NCAM2: variants seen among roughly 807,000 people sequenced by gnomAD.
NCAM2 encodes neural cell adhesion molecule 2, also known as N-CAM-2.
NCAM2 carries 30 observed loss-of-function variants against 98.1 expected under a neutral mutation model. The ratio of observed to expected loss-of-function variants is 0.31; its 90% CI spans 0.23 to 0.41. The LOEUF (loss-of-function observed/expected upper bound fraction) is 0.41, where lower values mean the gene tolerates loss of function less well. NCAM2 is among the 10% of genes least tolerant of loss of function. The pLI, the probability that NCAM2 is intolerant of heterozygous loss-of-function variation, is 1.00. For missense variants in NCAM2, 867 were observed against 1,005.8 expected, an observed-to-expected ratio of 0.86 and a Z score of 1.87; for synonymous variants, 368 against 342.4, an observed-to-expected ratio of 1.07 and a Z score of -0.83.
intron 1 of NCAM2, among the ~76,000 whole-genome samples, chr21:21,108,962 A>T (rs998640396): frequency 5.9e-5 from 9 of 152,142 alleles, no homozygotes; most frequent in Admixed American, 6.5e-5. Context: ...CCATATTTTC[A>T]TTGACTACAG....
chr21:21,285,246 A>T (rs1307148175), intron 3 of NCAM2, among the ~76,000 whole-genome samples: 1 of 151,900 alleles, frequency 6.6e-6, no homozygotes, highest in African/African-American at 2.4e-5. Flanking sequence ...TATATTAGGA[A>T]TGCAAGCCCT....
intron 4 of NCAM2, among the ~76,000 whole-genome samples, chr21:21,289,106 T>G (rs1037534162): frequency 3.9e-5 from 6 of 151,962 alleles, no homozygotes; most frequent in Non-Finnish European, 8.8e-5. Context: ...TCTCTTAAAC[T>G]TTTTAAATGC....
intron 8 of NCAM2, among the ~76,000 whole-genome samples, chr21:21,351,725 G>A (rs933412112): frequency 2.6e-5 from 4 of 151,692 alleles, no homozygotes; most frequent in East Asian, 1.9e-4. Flanking sequence ...TCATCTATTT[G>A]TTCATTTGTT....
intron 15 of NCAM2, among the ~76,000 whole-genome samples, chr21:21,492,346 C>G (rs568555818): frequency 6.6e-6 from 1 of 151,724 alleles, no homozygotes; most frequent in Non-Finnish European, 1.5e-5. Flanking sequence ...AGAACAACAA[C>G]AAAAAATCCC....
chr21:21,031,273 C>T (rs2064676028), intron 1 of NCAM2, among the ~76,000 whole-genome samples: 1 of 152,126 alleles, frequency 6.6e-6, no homozygotes, highest in Non-Finnish European at 1.5e-5. Flanking sequence ...GTTTTATAAC[C>T]TGCTCTAATA....
intron 16 of NCAM2, among the ~76,000 whole-genome samples, chr21:21,523,612 A>G (rs1339322269): frequency 6.6e-6 from 1 of 152,096 alleles, no homozygotes; most frequent in Admixed American, 6.6e-5. Context: ...TACGTATAAG[A>G]TAAATGAATG....
chr21:21,115,498 A>AT (rs1474342601), intron 1 of NCAM2, among the ~76,000 whole-genome samples: 2 of 152,184 alleles, frequency 1.3e-5, no homozygotes, highest in African/African-American at 4.8e-5. Context: ...TATTAGGTCC[A>AT]TCTTGGTCCT....
intron 1 of NCAM2, among the ~76,000 whole-genome samples, chr21:21,105,068 A>G (rs1046440217): frequency 6.6e-5 from 10 of 152,134 alleles, no homozygotes; most frequent in Non-Finnish European, 1.5e-4. Context: ...TGAGACGGAA[A>G]TGCTTAGCTA....
chr21:21,482,407 G>A (rs1387675122), intron 15 of NCAM2, among the ~76,000 whole-genome samples: 2 of 151,926 alleles, frequency 1.3e-5, no homozygotes, highest in Non-Finnish European at 2.9e-5. Flanking sequence ...TAATAAACTA[G>A]CACATCTTAA....
chr21:21,536,955 A>C (rs1241347715), intron 17 of NCAM2, among the ~76,000 whole-genome samples: 1 of 152,194 alleles, frequency 6.6e-6, no homozygotes, highest in Non-Finnish European at 1.5e-5. Flanking sequence ...AGTGACAAGA[A>C]AAACAATGTG....
At chr21:21,193,492 CTTTTT>C (rs768928139) in intron 1 of NCAM2, among the ~76,000 whole-genome samples, 1 of 123,788 alleles carries the variant, frequency 8.1e-6, no homozygotes, top group African/African-American at 3.1e-5. Context: ...AGTACTTTTC[CTTTTT>C]TTTTTTTTTT....
chr21:21,061,953 G>A (rs532386208), intron 1 of NCAM2, among the ~76,000 whole-genome samples: 209 of 152,174 alleles, frequency 1.4e-3, no homozygotes, highest in African/African-American at 4.9e-3. Context: ...GAAAGCAGCC[G>A]TAATGGAGAG....
At chr21:21,212,185 T>TAA (rs1568776013) in intron 1 of NCAM2, among the ~76,000 whole-genome samples, 1 of 152,164 alleles carries the variant, frequency 6.6e-6, no homozygotes, top group Non-Finnish European at 1.5e-5. Flanking sequence ...AATGGTTAAA[T>TAA]AAATTGTACA....
At chr21:21,081,970 G>A (rs1284248566) in intron 1 of NCAM2, among the ~76,000 whole-genome samples, 4 of 151,702 alleles carry the variant, frequency 2.6e-5, no homozygotes, top group Non-Finnish European at 5.9e-5. Context: ...GGGCGCGGTG[G>A]CTCACGGCTG....
chr21:21,021,221 T>A (rs1466364409), intron 1 of NCAM2, among the ~76,000 whole-genome samples: 1 of 152,116 alleles, frequency 6.6e-6, no homozygotes, highest in Non-Finnish European at 1.5e-5. Flanking sequence ...GGCCATTTAG[T>A]TATTGATATT....
chr21:21,004,953 A>T (rs1412626509), intron 1 of NCAM2, among the ~76,000 whole-genome samples: 9 of 152,168 alleles, frequency 5.9e-5, no homozygotes, highest in Admixed American at 5.9e-4. Context: ...TAAATGGAGA[A>T]GATTATTAAT....
At chr21:21,509,595 A>T (rs1988232307) in intron 16 of NCAM2, among the ~76,000 whole-genome samples, 1 of 152,134 alleles carries the variant, frequency 6.6e-6, no homozygotes, top group African/African-American at 2.4e-5. Flanking sequence ...ATTTGATCAA[A>T]AGTTGATTAC....
At chr21:21,477,119 T>G (rs1185351247) in intron 14 of NCAM2, among the ~76,000 whole-genome samples, 172 bp from the exon 15 acceptor site, 1 of 152,108 alleles carries the variant, frequency 6.6e-6, no homozygotes, top group African/African-American at 2.4e-5. Context: ...TAGAAAAATG[T>G]TGGAAATAAT....
chr21:21,490,254 TA>T (rs1986738394), intron 15 of NCAM2, among the ~76,000 whole-genome samples: 1 of 126,748 alleles, frequency 7.9e-6, no homozygotes, highest in Non-Finnish European at 1.5e-5. Flanking sequence ...ATGTAAAAAA[TA>T]ATTATGTTTA....
Sources: allele counts gnomAD v4.1 joint callset (sites outside exome capture counted in the v4.1 genomes callset), GRCh38; gene constraint gnomAD v4.1.1; transcripts MANE v1.5; gene names NCBI Gene and HGNC (gene_info 2026-07-23, HGNC 2026-07-21).